Variants in LRCH1 observed in about 807,000 individuals in gnomAD.
LRCH1 encodes leucine rich repeats and calponin homology domain containing 1.
LRCH1 carries 23 observed loss-of-function variants against 94.9 expected under a neutral mutation model. The observed-to-expected ratio is 0.24, with a 90% CI of 0.17 to 0.34. LRCH1 has a LOEUF of 0.34. Ranked by LOEUF, LRCH1 falls within the 10% of genes least tolerant of loss-of-function variation. The pLI is 1.00. For synonymous variants in LRCH1, 364 were observed against 354.9 expected (o/e 1.03, Z -0.29); for missense variants, 790 against 945.9 (o/e 0.84, Z 2.16).
chr13:46,668,937 C>G, intron 2 of LRCH1, 93 bp from the exon 3 acceptor site: 1 of 1,332,592 alleles, frequency 7.5e-7, no homozygotes, highest in South Asian at 1.5e-5. Flanking sequence ...CTTCTCAGAT[C>G]ACTCCTTTTT....
rs369072975 is a variant in LRCH1 at position 46,593,779 on chromosome 13, T to C, written c.307+40076T>C. On this transcript the variant is annotated intron_variant, in intron 1 of 19. Coordinates refer to ENST00000389797, the MANE Select transcript of LRCH1 (RefSeq NM_001164211.2). ...CAGGGAGACTCCCAATCTCTGTCAG[T>C]TTCTTCTGCTTTTCTGAATTCTAAA... Among the ~76,000 whole-genome samples the C allele has an allele frequency of 2.6e-5, 4 of 152,164 alleles. No homozygotes were observed. The East Asian group carries it at 5.8e-4, about 22-fold the overall frequency.
At chr13:46,635,737 C>T (rs961373270) in intron 1 of LRCH1, among the ~76,000 whole-genome samples, 2 of 151,340 alleles carry the variant, frequency 1.3e-5, no homozygotes, top group African/African-American at 2.4e-5. Flanking sequence ...TCCCAAAGTG[C>T]TGGGATTACA....
At position 46,733,301 on chromosome 13, in the gene LRCH1, A is replaced by G. The variant is rs142161619; in HGVS notation, c.2008-620A>G. On this transcript the variant is annotated intron_variant, in intron 18 of 19. Transcript: ENST00000389797. ...GCCATCTATAACCAAGGTTAATTCA[A>G]TTGTGAGAAGCTTTTGGTTAAGTCC... Among the ~76,000 whole-genome samples the G allele has an allele frequency of 4.6e-5, 7 of 152,312 alleles. No individual in the cohort carries two copies. In the East Asian group the frequency reaches 1.2e-3, roughly 25 times the overall value.
At chr13:46,751,303 G>A (rs1430829388) in exon 19 of LRCH1, 1 of 151,958 alleles carries the variant, frequency 6.6e-6, no homozygotes, top group East Asian at 1.9e-4. Context: ...TAATGTTTCT[G>A]GTATATATGA....
At position 46,736,116 on chromosome 13, in the gene LRCH1, C is replaced by CTGTGTGTG. The variant is rs1330584293; in HGVS notation, c.2085+2119_2085+2120insGTGTGTGT. Among the ~76,000 whole-genome samples the CTGTGTGTG allele has an allele frequency of 2.8e-4, 11 of 38,630 alleles. No individual in the cohort carries two copies. The South Asian group carries it at 4.3e-3, about 15-fold the overall frequency. 25.3% of individuals were successfully genotyped at this position (38,630 alleles called of 152,430 possible). ...CTGGCCAAGGTGATTTTCAAATTTGCTCTGTGTGTGTGTGTGTGTGTGTGT... is the reference window on the plus strand; with the variant it reads ...CTGGCCAAGGTGATTTTCAAATTTGCTGTGTGTGTCTGTGTGTGTGTGTGTGTGTGTGT... On this transcript the variant is annotated intron_variant, in intron 19 of 19. Transcript: ENST00000389797.
At chr13:46,609,877 AG>A in intron 1 of LRCH1, among the ~76,000 whole-genome samples, 1 of 152,224 alleles carries the variant, frequency 6.6e-6, no homozygotes, top group East Asian at 1.9e-4. Flanking sequence ...AGACACACAC[AG>A]CTGCCTACGG....
chr13:46,681,692 A>C (rs2051752517), intron 3 of LRCH1, 49 bp from the exon 4 acceptor site: 1 of 1,300,528 alleles, frequency 7.7e-7, no homozygotes, highest in South Asian at 1.2e-5. Flanking sequence ...GAAATGCTTG[A>C]TTTCCTGGAA....
intron 1 of LRCH1, among the ~76,000 whole-genome samples, chr13:46,648,054 A>G (rs2051245400): frequency 6.6e-6 from 1 of 152,150 alleles, no homozygotes; most frequent in African/African-American, 2.4e-5. Context: ...ATAATGAAAT[A>G]ATTATATAAC....
In LRCH1 at chr13:46,689,204, T is replaced by C. The variant is rs1194620576; in HGVS notation, c.1014+8T>C. 1 of 1,608,886 alleles carries C rather than the reference T, an allele frequency of 6.2e-7. No homozygotes were observed. The highest frequency in any genetic ancestry group is 1.3e-5 in the African/African-American group (1 of 74,848). ...CGATTATCTGCCACCGAGGTAAAGT[T>C]AGTGATCAGATTCTTTTCCTTCTGT... is the stretch of plus-strand genomic sequence containing the variant. On this transcript the variant is annotated splice_region_variant and intron_variant, in intron 7 of 19. Coordinates refer to ENST00000389797, the MANE Select transcript of LRCH1 (RefSeq NM_001164211.2).
At chr13:46,734,405 A>G (rs1873268246) in intron 19 of LRCH1, among the ~76,000 whole-genome samples, 1 of 152,210 alleles carries the variant, frequency 6.6e-6, no homozygotes, top group South Asian at 2.1e-4. Flanking sequence ...ATTATTGATT[A>G]TCATTCTCTG....
In LRCH1 at chr13:46,583,235, T is replaced by A. The variant is rs532605407; in HGVS notation, c.307+29532T>A. 3.3e-5 allele frequency among the ~76,000 whole-genome samples: 5 copies of A among 152,356 alleles called. No individual in the cohort carries two copies. The South Asian group carries it at 1.0e-3, about 32-fold the overall frequency. On this transcript the variant is annotated intron_variant, in intron 1 of 19. Coordinates refer to ENST00000389797, the MANE Select transcript of LRCH1 (RefSeq NM_001164211.2). ...AAGTTTCAGGTGAAATTTGCTATAA[T>A]CTCATGTCCATCCTCATTCAGGCAT...
intron 2 of LRCH1, 22 bp downstream of exon 2, chr13:46,650,367 TA>T: frequency 1.9e-6 from 3 of 1,539,692 alleles, no homozygotes; most frequent in Non-Finnish European, 2.6e-6. Context: ...ATAAAAGTTG[TA>T]ATCAAATTCA....
At chr13:46,615,190 C>T (rs769703498) in intron 1 of LRCH1, among the ~76,000 whole-genome samples, 2 of 152,216 alleles carry the variant, frequency 1.3e-5, no homozygotes, top group African/African-American at 2.4e-5. Flanking sequence ...TTTATTGGCT[C>T]ATGGTTCTGC....
intron 10 of LRCH1, among the ~76,000 whole-genome samples, chr13:46,700,367 T>C (rs1433716334): frequency 2.0e-5 from 3 of 152,176 alleles, no homozygotes; most frequent in Non-Finnish European, 4.4e-5. Flanking sequence ...TTAAAAACGT[T>C]GGAAAGTTCC....
At position 46,673,782 on chromosome 13, in the gene LRCH1, T is replaced by C. The variant is rs561544444; in HGVS notation, c.579+4626T>C. ...TTTTTTTTTTTTTTTTGAGACAGAG[T>C]CTTGCTCTGTCACCCAGGCTGGAGT... is the stretch of plus-strand genomic sequence containing the variant. On this transcript the variant is annotated intron_variant, in intron 3 of 19. Transcript: ENST00000389797. Among the ~76,000 whole-genome samples, 11 of 139,494 alleles carry C rather than the reference T, an allele frequency of 7.9e-5. No homozygotes were observed. In the East Asian group the frequency reaches 2.1e-3, roughly 26 times the overall value. 91.5% of individuals were successfully genotyped at this position (139,494 alleles called of 152,430 possible). A position where few individuals can be genotyped will look rare whatever the true frequency, so the allele number is the denominator to read the frequency against.
At chr13:46,573,477 T>G (rs556359025) in intron 1 of LRCH1, among the ~76,000 whole-genome samples, 3 of 152,132 alleles carry the variant, frequency 2.0e-5, no homozygotes, top group Non-Finnish European at 4.4e-5. Context: ...GAAAGCATCC[T>G]AAGTGTCCAT....
At chr13:46,708,715 GCCCAAGACTGTTTTATTTGGAGCTTCCT>G in intron 13 of LRCH1, among the ~76,000 whole-genome samples, 1 of 152,306 alleles carries the variant, frequency 6.6e-6, no homozygotes. Context: ...CTTAATATCA[GCCCAAGACTGTTTTATTTGGAGCTTCCT>G]CCCATTTTCC....
At chr13:46,651,661 C>CAA (rs754716387) in intron 2 of LRCH1, among the ~76,000 whole-genome samples, 5 of 108,378 alleles carry the variant, frequency 4.6e-5, no homozygotes, top group African/African-American at 1.7e-4. Flanking sequence ...AACTCCATGT[C>CAA]AAAAAAAAAA....
Position 46,590,973 on chromosome 13 carries a change from CT to C in LRCH1, c.307+37280del, listed in dbSNP as rs1003887631. On this transcript the variant is annotated intron_variant, in intron 1 of 19. Coordinates refer to ENST00000389797, the MANE Select transcript of LRCH1 (RefSeq NM_001164211.2). ...GAACTTTATTTTTCATTGCTTATGG[CT>C]TTTTTTTTTCCCCCTGTAAGTTCTC... 2.6e-3 allele frequency among the ~76,000 whole-genome samples: 380 copies of C among 147,866 alleles called. 1 individual carries two copies. The highest frequency in any genetic ancestry group is 3.4e-3 in the Non-Finnish European group (226 of 66,726).
Sources: gnomAD v4.1 joint callset for allele counts (sites outside exome capture counted in the v4.1 genomes callset) on GRCh38, gnomAD v4.1.1 for gene constraint, MANE v1.5 for transcripts, NCBI Gene and HGNC (gene_info 2026-07-23, HGNC 2026-07-21) for gene names.